The following ALDH2 variants were observed in gnomAD, a reference collection of about 807,000 sequenced individuals.
The protein encoded by ALDH2 is aldehyde dehydrogenase 2 family member.
In ALDH2, 44 loss-of-function variants were observed where a neutral mutation model predicts 59.6. The observed-to-expected ratio is 0.74, with a 90% CI of 0.58 to 0.95. The LOEUF (loss-of-function observed/expected upper bound fraction) is 0.95, where lower values mean the gene tolerates loss of function less well. Ranked by LOEUF, ALDH2 falls within the 40% of genes least tolerant of loss-of-function variation. ALDH2 has a pLI of 0.00. For synonymous variants in ALDH2, 291 were observed against 284.0 expected (o/e 1.02, Z -0.25); for missense variants, 570 against 696.3 (o/e 0.82, Z 2.04).
chr12:111,805,788 G>A (rs1050029133), intron 12 of ALDH2, among the ~76,000 whole-genome samples: 2 of 152,142 alleles, frequency 1.3e-5, no homozygotes, highest in African/African-American at 4.8e-5. Flanking sequence ...ACTTCTGGAG[G>A]CTGAGGTGGG....
At chr12:111,785,752 AC>A (rs2068304605) in intron 4 of ALDH2, among the ~76,000 whole-genome samples, 1 of 152,192 alleles carries the variant, frequency 6.6e-6, no homozygotes, top group South Asian at 2.1e-4. Flanking sequence ...TGAATAAATT[AC>A]AAAAATTCAA....
At chr12:111,781,210 T>A (rs1186134758) in intron 1 of ALDH2, among the ~76,000 whole-genome samples, 2 of 152,188 alleles carry the variant, frequency 1.3e-5, no homozygotes, top group Non-Finnish European at 2.9e-5. Flanking sequence ...TTGTTTGCCA[T>A]TCCTTCTAGG....
Position 111,792,626 on chromosome 12 carries a change from C to T in ALDH2, c.927C>T (p.Phe309=), listed in dbSNP as rs565642382. 2.1e-5 allele frequency: 34 copies of T among 1,612,874 alleles called. No homozygotes were observed. In the South Asian group the frequency reaches 2.5e-4, roughly 12 times the overall value. ...DMDWAVEQAH[F]ALFFNQGQCC... is the part of the protein sequence containing the mutation. Reference sequence around the variant, plus strand: ...ATTGGGCCGTGGAACAGGCCCACTTCGCCCTGTTCTTCAACCAGGGCCAGT... The same window carrying T: ...ATTGGGCCGTGGAACAGGCCCACTTTGCCCTGTTCTTCAACCAGGGCCAGT... The change falls in exon 9 of 13, where the codon TTC becomes TTT. Residue 309 remains phenylalanine, a synonymous_variant. Coordinates refer to ENST00000261733, the MANE Select transcript of ALDH2 (RefSeq NM_000690.4).
intron 3 of ALDH2, among the ~76,000 whole-genome samples, chr12:111,783,954 AGAG>A (rs537817146): frequency 1.3e-5 from 2 of 152,162 alleles, no homozygotes; most frequent in Admixed American, 6.5e-5. Flanking sequence ...CCTGGCTGCA[AGAG>A]GAGAAGAAAC....
chr12:111,773,542 T>C (rs2068216406), intron 1 of ALDH2, among the ~76,000 whole-genome samples: 1 of 152,178 alleles, frequency 6.6e-6, no homozygotes, highest in African/African-American at 2.4e-5. Flanking sequence ...AGCCTGGTAG[T>C]ATTGCTGTCC....
At chr12:111,789,491 C>CAAA (rs35650885) in intron 4 of ALDH2, among the ~76,000 whole-genome samples, 6 of 74,432 alleles carry the variant, frequency 8.1e-5, no homozygotes, top group Non-Finnish European at 1.7e-4. Context: ...GACGCTGTCT[C>CAAA]AAAAAAAAAA....
chr12:111,790,513 C>T lies in ALDH2; in HGVS notation c.632C>T (p.Ala211Val). The change falls in exon 6 of 13, where the codon GCT becomes GTT. Residue 211 changes from alanine (A) to valine (V), a missense_variant. Ala to Val is a moderately conservative substitution (Grantham distance 64). Coordinates refer to ENST00000261733, the MANE Select transcript of ALDH2 (RefSeq NM_000690.4). The part of the protein sequence containing the change: ...ATGNVVVMKV[A>V]EQTPLTALYV... ...GGAAACGTGGTTGTGATGAAGGTAG[C>T]TGAGCAGACACCCCTCACCGCCCTC... The T allele has an allele frequency of 6.2e-7, 1 of 1,614,184 alleles. No individual in the cohort carries two copies. Among genetic ancestry groups the T allele is most frequent in the Non-Finnish European group, 8.5e-7 (1 of 1,180,036 alleles).
intron 4 of ALDH2, among the ~76,000 whole-genome samples, chr12:111,787,225 A>G (rs780103644): frequency 1.3e-5 from 2 of 151,988 alleles, no homozygotes; most frequent in Non-Finnish European, 2.9e-5. Context: ...AAAAGGAAAG[A>G]AAGAAATTCA....
At chr12:111,775,971 T>C (rs1188960445) in intron 1 of ALDH2, among the ~76,000 whole-genome samples, 1 of 152,180 alleles carries the variant, frequency 6.6e-6, no homozygotes, top group Non-Finnish European at 1.5e-5. Context: ...GTTTATCTTA[T>C]CAGTGGAGAA....
chr12:111,807,283 C>CA (rs1028954861), intron 12 of ALDH2, among the ~76,000 whole-genome samples: 67 of 149,918 alleles, frequency 4.5e-4, no homozygotes, highest in Non-Finnish European at 2.7e-4. Flanking sequence ...CAAAACAAAA[C>CA]GGAAAAAAAA....
chr12:111,794,051 G>A (rs1250731376), intron 9 of ALDH2, among the ~76,000 whole-genome samples: 4 of 122,096 alleles, frequency 3.3e-5, no homozygotes, highest in African/African-American at 6.4e-5. Context: ...ACAGAGTCTC[G>A]CTCCGTCACC....
intron 11 of ALDH2, 67 bp downstream of exon 11, chr12:111,800,130 C>T: frequency 6.7e-7 from 1 of 1,496,804 alleles, no homozygotes; most frequent in Non-Finnish European, 9.0e-7. Context: ...CTACTGGAAT[C>T]TGGTGGTCAC....
Position 111,767,093 on chromosome 12 carries a change from C to A in ALDH2, c.111C>A (p.Asn37Lys). The A allele has an allele frequency of 6.7e-7, 1 of 1,496,520 alleles. No homozygotes were observed. The highest frequency in any genetic ancestry group is 1.3e-5 in the South Asian group (1 of 79,414). The allele number at this position is 1,496,520 out of a possible 1,614,324, so 92.7% of individuals were successfully genotyped here. A position where few individuals can be genotyped will look rare whatever the true frequency, so the allele number is the denominator to read the frequency against. ...ACCAGCAGCCCGAGGTCTTCTGCAACCAGGTGAGCCCACCGGCCGGGCTCG... is the reference window on the plus strand; with the variant it reads ...ACCAGCAGCCCGAGGTCTTCTGCAAACAGGTGAGCCCACCGGCCGGGCTCG... ...APNQQPEVFC[N>K]QIFINNEWHD... is the part of the protein sequence containing the mutation. The change falls in exon 1 of 13, where the codon AAC (asparagine) becomes AAA (lysine). Residue 37 changes from asparagine (N) to lysine (K), a missense_variant. Asn to Lys is a moderately conservative substitution (Grantham distance 94). Coordinates refer to ENST00000261733, the MANE Select transcript of ALDH2 (RefSeq NM_000690.4).
intron 12 of ALDH2, 98 bp downstream of exon 12, chr12:111,804,071 C>T (rs1200271100): frequency 8.8e-6 from 4 of 454,144 alleles, no homozygotes; most frequent in South Asian, 5.4e-5. Flanking sequence ...GTTGGGGGCT[C>T]GGGGCCTGCC....
At chr12:111,793,585 GT>G (rs35264878) in intron 9 of ALDH2, among the ~76,000 whole-genome samples, 2,355 of 147,626 alleles carry the variant, frequency 0.016, 69 homozygotes, top group African/African-American at 0.055. Context: ...GTATATTCGG[GT>G]TTTTTTTTTT....
chr12:111,799,851 C>T (rs377703701), intron 10 of ALDH2, 55 bp from the exon 11 acceptor site: 45 of 1,571,280 alleles, frequency 2.9e-5, no homozygotes, highest in Admixed American at 1.7e-4. Flanking sequence ...TGAGAGAGCT[C>T]GATGGCAGGT....
chr12:111,799,307 A>G (rs1013157395), intron 10 of ALDH2, among the ~76,000 whole-genome samples: 2 of 151,884 alleles, frequency 1.3e-5, no homozygotes, highest in East Asian at 3.9e-4. Flanking sequence ...CTGGGATTAC[A>G]GGCGCACACC....
In ALDH2 at chr12:111,766,962, G is replaced by T; in HGVS notation, c.-21G>T. 2 of 1,515,726 alleles carry T rather than the reference G, an allele frequency of 1.3e-6. No individual in the cohort carries two copies. Among genetic ancestry groups the T allele is most frequent in the South Asian group, 1.2e-5 (1 of 82,438 alleles). The allele number at this position is 1,515,726 out of a possible 1,614,324, so 93.9% of individuals were successfully genotyped here. On this transcript the variant is annotated 5_prime_UTR_variant, in exon 1 of 13. Coordinates refer to ENST00000261733, the MANE Select transcript of ALDH2 (RefSeq NM_000690.4). ...CCCTAGCTCTGCTCTCGGTCCGCTCGCTGTCCGCTAGCCCGCTGCGATGTT... is the reference window on the plus strand; with the variant it reads ...CCCTAGCTCTGCTCTCGGTCCGCTCTCTGTCCGCTAGCCCGCTGCGATGTT...
chr12:111,767,020 GC>G lies in ALDH2; in HGVS notation c.40del (p.Arg14AlafsTer28). The G allele has an allele frequency of 6.6e-7, 1 of 1,524,486 alleles. No individual in the cohort carries two copies. The highest frequency in any genetic ancestry group is 8.8e-7 in the Non-Finnish European group (1 of 1,142,036). The allele number at this position is 1,524,486 out of a possible 1,614,324, so 94.4% of individuals were successfully genotyped here. A position where few individuals can be genotyped will look rare whatever the true frequency, so the allele number is the denominator to read the frequency against. On this transcript the variant is annotated frameshift_variant, in exon 1 of 13. Transcript: ENST00000261733. LOFTEE classifies it high-confidence loss of function. ...RAAARFGPRL[G>X]RRLLSAAATQ... ...GCCGCCCGCTTCGGGCCCCGCCTGGGCCGCCGCCTCTTGTCAGCCGCCGCCA... is the reference window on the plus strand; with the variant it reads ...GCCGCCCGCTTCGGGCCCCGCCTGGGCGCCGCCTCTTGTCAGCCGCCGCCA...
Sources: allele counts gnomAD v4.1 joint callset (sites outside exome capture counted in the v4.1 genomes callset), GRCh38; gene constraint gnomAD v4.1.1; transcripts MANE v1.5; gene names NCBI Gene and HGNC (gene_info 2026-07-23, HGNC 2026-07-21).